WDR20: variants seen among roughly 807,000 people sequenced by gnomAD.
The protein encoded by WDR20 is WD repeat-containing protein 20.
WDR20 carries 3 observed loss-of-function variants against 38.7 expected under a neutral mutation model. The ratio of observed to expected loss-of-function variants is 0.08; its 90% CI spans 0.04 to 0.20. WDR20 has a LOEUF of 0.20. WDR20 is among the 10% of genes least tolerant of loss of function. WDR20 has a pLI of 1.00. For missense variants in WDR20, 559 were observed against 727.7 expected (o/e 0.77, Z 2.67); for synonymous variants, 298 against 285.6 (o/e 1.04, Z -0.44).
In WDR20 at chr14:102,200,924, G is replaced by A. The variant is rs3818911; in HGVS notation, c.432+5804G>A. On this transcript the variant is annotated intron_variant, in intron 2 of 2. Coordinates refer to ENST00000342702, the MANE Select transcript of WDR20 (RefSeq NM_144574.4). ...TGGAGGGACACTGCTGCCAGCCCAG[G>A]CTGCGTGGCACATCCTGCCAGCTGC... Among the ~76,000 whole-genome samples the A allele has an allele frequency of 3.8e-3, 585 of 152,342 alleles. 9 individuals carry two copies. In the East Asian group the frequency reaches 0.049, roughly 13 times the overall value.
intron 1 of WDR20, among the ~76,000 whole-genome samples, chr14:102,148,797 A>T (rs1214988975): frequency 6.6e-6 from 1 of 151,562 alleles, no homozygotes; most frequent in Non-Finnish European, 1.5e-5. Context: ...GGCTCAAGTG[A>T]TCCTCCCGCC....
intron 1 of WDR20, among the ~76,000 whole-genome samples, chr14:102,169,422 A>T (rs185289601): frequency 1.3e-5 from 2 of 152,136 alleles, no homozygotes; most frequent in Non-Finnish European, 2.9e-5. Flanking sequence ...CCTAAAATCT[A>T]CAAGAGGAGG....
rs78845721 is a variant in WDR20 at position 102,220,920 on chromosome 14, G to A, written c.1693-1910G>A. Among the ~76,000 whole-genome samples the A allele has an allele frequency of 0.091, 13,774 of 151,874 alleles. 647 individuals are homozygous for A. The highest frequency in any genetic ancestry group is 0.15 in the South Asian group (724 of 4,806). The stretch of plus-strand genomic sequence containing the variant: ...TGAGTAGCTGGGATGACAGCCGTGC[G>A]CCACCACACCCGGCTAATTTTGTAT... On this transcript the variant is annotated intron_variant, in intron 3 of 3. Coordinates refer to the WDR20 transcript ENST00000335263. The surrounding 1 kb of genome is among the most constrained non-coding windows in gnomAD (Gnocchi z 4.2).
chr14:102,219,436 T>C (rs1307783313), downstream of WDR20, among the ~76,000 whole-genome samples: 1 of 152,252 alleles, frequency 6.6e-6, no homozygotes, highest in Non-Finnish European at 1.5e-5. Flanking sequence ...TGCCTGGCAC[T>C]GATGCCAACG....
At chr14:102,214,335 C>T, downstream of WDR20, 1 of 985,412 alleles carries the variant, frequency 1.0e-6, no homozygotes, top group Non-Finnish European at 1.2e-6. Flanking sequence ...TCACAGCGAC[C>T]CCAAGTGATG....
chr14:102,178,512 T>G (rs1342148451), intron 1 of WDR20, among the ~76,000 whole-genome samples: 1 of 152,106 alleles, frequency 6.6e-6, no homozygotes, highest in Non-Finnish European at 1.5e-5. Flanking sequence ...GTGGTTCTCT[T>G]AGGCGTGGTC....
chr14:102,209,071 C>T lies in WDR20; in HGVS notation c.901C>T (p.His301Tyr). The T allele has an allele frequency of 6.2e-7, 1 of 1,614,154 alleles. No homozygotes were observed. Among genetic ancestry groups the T allele is most frequent in the Non-Finnish European group, 8.5e-7 (1 of 1,180,032 alleles). Reference sequence around the variant, plus strand: ...AGACTGCCGAGTAATAGCCAGAGGCCACGGGCACAAGTCCTGGGTCAGTGT... The same window carrying T: ...AGACTGCCGAGTAATAGCCAGAGGCTACGGGCACAAGTCCTGGGTCAGTGT... The part of the protein sequence containing the change: ...FVDCRVIARG[H>Y]GHKSWVSVVA... Residue 301 changes from histidine (H) to tyrosine (Y), a missense_variant, in exon 3 of 3, where the codon CAC becomes TAC. Transcript: ENST00000342702. This position sits in a 1 kb window ranked among gnomAD's most constrained non-coding sequence, Gnocchi z 6.0.
intron 1 of WDR20, among the ~76,000 whole-genome samples, chr14:102,190,722 C>T (rs1176113386): frequency 6.6e-6 from 1 of 151,932 alleles, no homozygotes; most frequent in Non-Finnish European, 1.5e-5. Context: ...GGCCACAGGC[C>T]AGGTGTGGTG....
intron 1 of WDR20, among the ~76,000 whole-genome samples, chr14:102,185,494 G>C (rs972038851): frequency 6.6e-6 from 1 of 152,088 alleles, no homozygotes; most frequent in South Asian, 2.1e-4. Flanking sequence ...CGGCGGTGCA[G>C]CAGAAGGCAC....
intron 1 of WDR20, among the ~76,000 whole-genome samples, chr14:102,182,686 AT>A (rs900305988): frequency 1.3e-4 from 19 of 151,568 alleles, no homozygotes; most frequent in South Asian, 4.2e-4. Context: ...TTTTTTGGTT[AT>A]TTTTTTCTAT....
downstream of WDR20, chr14:102,212,562 G>A (rs1418021542): frequency 6.5e-7 from 1 of 1,535,934 alleles, no homozygotes; most frequent in South Asian, 1.2e-5. Context: ...GATGCAAGGT[G>A]TTCTCCAAGA....
At chr14:102,179,940 G>A (rs1223056157) in intron 1 of WDR20, among the ~76,000 whole-genome samples, 1 of 152,134 alleles carries the variant, frequency 6.6e-6, no homozygotes, top group Non-Finnish European at 1.5e-5. Context: ...ATCACTTGAG[G>A]TCAGGAGTTC....
At chr14:102,182,877 T>G (rs1430753017) in intron 1 of WDR20, among the ~76,000 whole-genome samples, 1 of 152,134 alleles carries the variant, frequency 6.6e-6, no homozygotes, top group Non-Finnish European at 1.5e-5. Flanking sequence ...AGACTTTTTT[T>G]ATTCCATAAA....
chr14:102,216,696 G>A (rs1466564649), downstream of WDR20, among the ~76,000 whole-genome samples: 5 of 152,306 alleles, frequency 3.3e-5, no homozygotes, highest in East Asian at 1.9e-4. Flanking sequence ...TTGGGAGGCC[G>A]AGGCGGGTGG....
intron 2 of WDR20, among the ~76,000 whole-genome samples, chr14:102,205,804 GTT>G (rs75426082): frequency 1.4e-5 from 2 of 140,130 alleles, no homozygotes; most frequent in African/African-American, 2.6e-5. Flanking sequence ...TCCAAGGTCG[GTT>G]TTTTTTTTTT....
At position 102,222,623 on chromosome 14, in the gene WDR20, G is replaced by A. The variant is rs1435408193; in HGVS notation, c.1693-207G>A. Reference sequence around the variant, plus strand: ...TGGACGGTATTGAGGCCACAGTATTGCACCCAGCAGGGTTCCAATTCTCTA... The same window carrying A: ...TGGACGGTATTGAGGCCACAGTATTACACCCAGCAGGGTTCCAATTCTCTA... On this transcript the variant is annotated intron_variant, in intron 3 of 3. Coordinates refer to the WDR20 transcript ENST00000335263. The surrounding 1 kb of genome is among the most constrained non-coding windows in gnomAD (Gnocchi z 4.4). 1.3e-5 allele frequency among the ~76,000 whole-genome samples: 2 copies of A among 152,188 alleles called. No individual in the cohort carries two copies. Among genetic ancestry groups the A allele is most frequent in the Non-Finnish European group, 2.9e-5 (2 of 68,034 alleles).
At chr14:102,205,498 A>AT (rs2061371670) in intron 2 of WDR20, among the ~76,000 whole-genome samples, 1 of 152,160 alleles carries the variant, frequency 6.6e-6, no homozygotes, top group South Asian at 2.1e-4. Flanking sequence ...TTAATAATGT[A>AT]TTACCCATTC....
Position 102,222,124 on chromosome 14 carries a change from C to T in WDR20, c.1693-706C>T, listed in dbSNP as rs937881300. Among the ~76,000 whole-genome samples the T allele has an allele frequency of 5.3e-5, 8 of 151,486 alleles. No homozygotes were observed. The highest frequency in any genetic ancestry group is 2.0e-4 in the Admixed American group (3 of 15,224). On this transcript the variant is annotated intron_variant, in intron 3 of 3. Coordinates refer to the WDR20 transcript ENST00000335263. This position sits in a 1 kb window ranked among gnomAD's most constrained non-coding sequence, Gnocchi z 4.4. The stretch of plus-strand genomic sequence containing the variant: ...CGACAGTGAGCCTCTCAGCAGGAGC[C>T]GCCCTAAAGAGCCAGATGCCCCCCA...
In WDR20 at chr14:102,208,782, C is replaced by T. The variant is rs765466160; in HGVS notation, c.612C>T (p.Cys204=). The change falls in exon 3 of 3, where the codon TGC becomes TGT. Residue 204 remains cysteine (C), a synonymous_variant. Transcript: ENST00000342702. This position sits in a 1 kb window ranked among gnomAD's most constrained non-coding sequence, Gnocchi z 5.6. ...GAGAGAGCTTTGCCGTGCACACTTG[C>T]AAGAGCAAATCCACGAGGAACCCTC... ...KQGESFAVHT[C]KSKSTRNPLL... is the part of the protein sequence containing the mutation. 3.1e-6 allele frequency: 5 copies of T among 1,614,130 alleles called. No homozygotes were observed. The highest frequency in any genetic ancestry group is 4.2e-6 in the Non-Finnish European group (5 of 1,180,058).
Sources: gnomAD v4.1 joint callset for allele counts (sites outside exome capture counted in the v4.1 genomes callset) on GRCh38, gnomAD v4.1.1 for gene constraint, Gnocchi (gnomAD v3.1) non-coding constraint, MANE v1.5 for transcripts, NCBI Gene and HGNC (gene_info 2026-07-23, HGNC 2026-07-21) for gene names.